Variants in FGGY observed in about 807,000 individuals in gnomAD.
FGGY encodes FGGY carbohydrate kinase domain-containing protein.
A neutral mutation model predicts 71.3 loss-of-function variants in FGGY; 72 were observed. The observed-to-expected ratio is 1.01, with a 90% CI of 0.84 to 1.23. The LOEUF (loss-of-function observed/expected upper bound fraction) is 1.23, where lower values mean the gene tolerates loss of function less well. Among genes scored for constraint, FGGY ranks in the 50% most tolerant of loss-of-function variants. The pLI is 0.00. For synonymous variants in FGGY, 251 were observed against 250.3 expected (o/e 1.00, Z -0.02); for missense variants, 668 against 682.3 (o/e 0.98, Z 0.23).
At chr1:59,539,981 G>A (rs1419993428) in intron 7 of FGGY, among the ~76,000 whole-genome samples, 2 of 152,206 alleles carry the variant, frequency 1.3e-5, no homozygotes, top group Non-Finnish European at 2.9e-5. Context: ...TTGCAGAAAA[G>A]AGGATATACA....
intron 14 of FGGY, among the ~76,000 whole-genome samples, chr1:59,683,070 C>T (rs1374473159): frequency 6.6e-6 from 1 of 152,088 alleles, no homozygotes; most frequent in Non-Finnish European, 1.5e-5. Context: ...CGCTGGAATC[C>T]CTTTCCTTGT....
rs577366683 is a variant in FGGY at position 59,587,611 on chromosome 1, C to T, written c.904-20192C>T. On this transcript the variant is annotated intron_variant, in intron 8 of 15. Transcript: ENST00000303721. ...CTCTGAGACAAAACTTCCAGAGGAA[C>T]GATCAGACAGCTGCATTCGCGGTTC... Among the ~76,000 whole-genome samples, 12 of 152,248 alleles carry T rather than the reference C, an allele frequency of 7.9e-5. No individual in the cohort carries two copies. In the Middle Eastern group the frequency reaches 0.017, roughly 216 times the overall value.
At chr1:59,394,995 A>G (rs1262177214) in intron 5 of FGGY, among the ~76,000 whole-genome samples, 1 of 151,768 alleles carries the variant, frequency 6.6e-6, no homozygotes, top group East Asian at 1.9e-4. Flanking sequence ...TCTGCTTGTC[A>G]ACTGCTATTC....
chr1:59,673,996 C>T (rs753446261), intron 13 of FGGY, 43 bp from the exon 14 acceptor site: 3 of 1,581,288 alleles, frequency 1.9e-6, no homozygotes, highest in Middle Eastern at 1.7e-4. Context: ...TCACACTCCC[C>T]TGGCTCTGCT....
At chr1:59,311,586 G>A (rs2044338575) in intron 1 of FGGY, among the ~76,000 whole-genome samples, 1 of 152,080 alleles carries the variant, frequency 6.6e-6, no homozygotes, top group African/African-American at 2.4e-5. Flanking sequence ...TCCTTTTTAT[G>A]GCTGTGTAGT....
At chr1:59,401,317 C>T (rs1035739811) in intron 5 of FGGY, among the ~76,000 whole-genome samples, 3 of 152,118 alleles carry the variant, frequency 2.0e-5, no homozygotes, top group Non-Finnish European at 2.9e-5. Flanking sequence ...AATTGCTTAC[C>T]TGTTTTTGGA....
intron 8 of FGGY, among the ~76,000 whole-genome samples, chr1:59,605,472 T>C (rs1055905381): frequency 1.3e-5 from 2 of 152,192 alleles, no homozygotes; most frequent in South Asian, 2.1e-4. Flanking sequence ...GGCACAGACC[T>C]GGACTGGGAA....
At chr1:59,495,795 G>A in intron 6 of FGGY, among the ~76,000 whole-genome samples, 1 of 152,030 alleles carries the variant, frequency 6.6e-6, no homozygotes. Context: ...ATTGTTGTAG[G>A]TGTGTGGCTT....
chr1:59,503,166 A>T (rs1332275070), intron 6 of FGGY, among the ~76,000 whole-genome samples: 1 of 152,194 alleles, frequency 6.6e-6, no homozygotes, highest in Non-Finnish European at 1.5e-5. Flanking sequence ...ACTGTAGAAT[A>T]ATAGGTTGCA....
At chr1:59,701,111 A>G (rs1483931476) in intron 14 of FGGY, among the ~76,000 whole-genome samples, 1 of 152,192 alleles carries the variant, frequency 6.6e-6, no homozygotes, top group African/African-American at 2.4e-5. Context: ...GATGTCATCC[A>G]CTGGGAGTGC....
At chr1:59,404,476 A>G (rs1353906650) in intron 5 of FGGY, among the ~76,000 whole-genome samples, 1 of 152,236 alleles carries the variant, frequency 6.6e-6, no homozygotes, top group African/African-American at 2.4e-5. Context: ...AGTAGGGTAT[A>G]GAGTTATCCA....
At chr1:59,739,800 G>C (rs1392979970) in intron 14 of FGGY, among the ~76,000 whole-genome samples, 1 of 151,924 alleles carries the variant, frequency 6.6e-6, no homozygotes, top group Admixed American at 6.6e-5. Context: ...ATTCAGCTTT[G>C]TGGACACTAT....
chr1:59,605,060 A>G (rs1307762424), intron 8 of FGGY, among the ~76,000 whole-genome samples: 1 of 152,110 alleles, frequency 6.6e-6, no homozygotes, highest in Non-Finnish European at 1.5e-5. Flanking sequence ...TCTCTCTCAT[A>G]CACACAACAC....
intron 7 of FGGY, among the ~76,000 whole-genome samples, chr1:59,535,363 A>T (rs2095284556): frequency 6.6e-6 from 1 of 152,128 alleles, no homozygotes; most frequent in African/African-American, 2.4e-5. Flanking sequence ...AGAGACTTAG[A>T]CTCCCACACA....
intron 14 of FGGY, among the ~76,000 whole-genome samples, chr1:59,715,107 A>G (rs1288360573): frequency 1.3e-5 from 2 of 152,118 alleles, no homozygotes; most frequent in East Asian, 3.9e-4. Context: ...CCAGAAATGC[A>G]TTTGAACTTG....
chr1:59,322,412 C>T (rs531922073), intron 2 of FGGY, among the ~76,000 whole-genome samples: 4 of 151,914 alleles, frequency 2.6e-5, no homozygotes, highest in African/African-American at 9.7e-5. Context: ...GTACACTGTA[C>T]CCAATGTGTA....
chr1:59,301,268 T>C (rs1403550167), intron 1 of FGGY, among the ~76,000 whole-genome samples: 1 of 152,222 alleles, frequency 6.6e-6, no homozygotes, highest in Non-Finnish European at 1.5e-5. Flanking sequence ...AAAAATTTAT[T>C]TTCCAGTTGT....
At chr1:59,664,379 A>G (rs886919543) in intron 12 of FGGY, among the ~76,000 whole-genome samples, 3 of 152,362 alleles carry the variant, frequency 2.0e-5, no homozygotes, top group East Asian at 3.9e-4. Flanking sequence ...CCAGCCGACA[A>G]TACCACATGG....
chr1:59,457,119 G>C, intron 6 of FGGY, 43 bp downstream of exon 6: 1 of 1,341,858 alleles, frequency 7.5e-7, no homozygotes, highest in Non-Finnish European at 1.1e-6. Flanking sequence ...GTGCATTGGA[G>C]GATCTTGATG....
Sources: gnomAD v4.1 joint callset for allele counts (sites outside exome capture counted in the v4.1 genomes callset) on GRCh38, gnomAD v4.1.1 for gene constraint, MANE v1.5 for transcripts, NCBI Gene and HGNC (gene_info 2026-07-23, HGNC 2026-07-21) for gene names.